Variants in KIF6 observed in about 807,000 individuals in gnomAD.
KIF6 encodes kinesin-like protein KIF6.
A neutral mutation model predicts 112.7 loss-of-function variants in KIF6; 106 were observed. The ratio of observed to expected loss-of-function variants is 0.94; its 90% CI spans 0.80 to 1.11. The LOEUF is 1.11. KIF6 is among the 50% of genes least tolerant of loss of function. The pLI is 0.00. For missense variants in KIF6, 929 were observed against 964.0 expected, an observed-to-expected ratio of 0.96 and a Z score of 0.48; for synonymous variants, 339 against 339.9, an observed-to-expected ratio of 1.00 and a Z score of 0.03.
intron 13 of KIF6, among the ~76,000 whole-genome samples, chr6:39,520,265 C>A (rs191928986): frequency 6.6e-6 from 1 of 152,106 alleles, no homozygotes; most frequent in Admixed American, 6.5e-5. Context: ...TTTTTTGGTA[C>A]AAGTGTGTCT....
chr6:39,478,684 A>G (rs1052326085), intron 13 of KIF6, among the ~76,000 whole-genome samples: 6 of 147,296 alleles, frequency 4.1e-5, no homozygotes, highest in Non-Finnish European at 8.9e-5. Flanking sequence ...TGTTCACTGC[A>G]TCCATGACAA....
intron 10 of KIF6, among the ~76,000 whole-genome samples, chr6:39,556,754 TG>T (rs1251837718): frequency 6.6e-6 from 1 of 152,168 alleles, no homozygotes; most frequent in Non-Finnish European, 1.5e-5. Context: ...TTGGGAAATT[TG>T]GGAGAATAAG....
intron 13 of KIF6, among the ~76,000 whole-genome samples, chr6:39,508,735 A>G (rs1161386038): frequency 1.3e-5 from 2 of 152,166 alleles, no homozygotes; most frequent in African/African-American, 4.8e-5. Context: ...GGGAAGCTCA[A>G]ACTGGGTGGA....
intron 21 of KIF6, among the ~76,000 whole-genome samples, chr6:39,344,897 T>C (rs1763589513): frequency 6.6e-6 from 1 of 152,224 alleles, no homozygotes; most frequent in African/African-American, 2.4e-5. Flanking sequence ...TGCTGCGATG[T>C]GTGGCCGGGT....
At chr6:39,360,884 T>C (rs1414870502) in intron 17 of KIF6, among the ~76,000 whole-genome samples, 1 of 152,202 alleles carries the variant, frequency 6.6e-6, no homozygotes, top group Non-Finnish European at 1.5e-5. Flanking sequence ...CTCACAACCC[T>C]ATGAAGGAGA....
At chr6:39,509,682 A>C (rs1218727888) in intron 13 of KIF6, among the ~76,000 whole-genome samples, 1 of 152,204 alleles carries the variant, frequency 6.6e-6, no homozygotes, top group Non-Finnish European at 1.5e-5. Context: ...GAATAGAGAA[A>C]AAAGAGTGAA....
intron 12 of KIF6, among the ~76,000 whole-genome samples, chr6:39,543,646 T>C (rs1778916728): frequency 6.6e-6 from 1 of 152,232 alleles, no homozygotes; most frequent in South Asian, 2.1e-4. Context: ...TATCTGTTTA[T>C]AAAGAACTGA....
chr6:39,620,317 G>T (rs774931518), intron 5 of KIF6: 13 of 152,054 alleles, frequency 8.5e-5, no homozygotes, highest in Admixed American at 3.9e-4. Flanking sequence ...ACTAATACTT[G>T]CTTTCTTATT....
chr6:39,673,241 G>A (rs1444627082), intron 3 of KIF6, among the ~76,000 whole-genome samples: 3 of 152,152 alleles, frequency 2.0e-5, no homozygotes, highest in South Asian at 2.1e-4. Context: ...AGGGATGCTG[G>A]GAAAGACAAG....
intron 3 of KIF6, among the ~76,000 whole-genome samples, chr6:39,643,886 C>A (rs983109353): frequency 6.6e-6 from 1 of 152,026 alleles, no homozygotes; most frequent in Non-Finnish European, 1.5e-5. Flanking sequence ...AAAGACAACA[C>A]AATGGAGATA....
At chr6:39,434,762 T>C (rs1351066747) in intron 13 of KIF6, among the ~76,000 whole-genome samples, 1 of 151,902 alleles carries the variant, frequency 6.6e-6, no homozygotes, top group Non-Finnish European at 1.5e-5. Flanking sequence ...GTGAACTTCA[T>C]CTAGAAGGAT....
In KIF6 at chr6:39,610,875, TAAATA is replaced by T. The variant is rs149387876; in HGVS notation, c.639+2309_639+2313del. On this transcript the variant is annotated intron_variant, in intron 6 of 22. Coordinates refer to ENST00000287152, the MANE Select transcript of KIF6 (RefSeq NM_145027.6). ...CCAAAACCTATTAGACTTGGTTTTT[TAAATA>T]AAACAGGCTTTACATAGGAAAAATA... Among the ~76,000 whole-genome samples the T allele has an allele frequency of 1.1e-4, 16 of 152,308 alleles. No homozygotes were observed. The East Asian group carries it at 2.9e-3, about 28-fold the overall frequency.
At chr6:39,344,540 G>A (rs1763561202) in intron 21 of KIF6, among the ~76,000 whole-genome samples, 1 of 152,112 alleles carries the variant, frequency 6.6e-6, no homozygotes, top group South Asian at 2.1e-4. Context: ...CAGCCTCAGG[G>A]CCTTTGCTCT....
chr6:39,366,641 G>A (rs563461537), intron 16 of KIF6, among the ~76,000 whole-genome samples: 28 of 152,266 alleles, frequency 1.8e-4, no homozygotes, highest in African/African-American at 5.1e-4. Flanking sequence ...TGCAGAAATC[G>A]GGGCACAGAA....
At chr6:39,454,435 T>C (rs1045875775) in intron 13 of KIF6, among the ~76,000 whole-genome samples, 1 of 147,854 alleles carries the variant, frequency 6.8e-6, no homozygotes, top group African/African-American at 2.5e-5. Flanking sequence ...AAATAATAAA[T>C]ATGTGACACC....
intron 15 of KIF6, among the ~76,000 whole-genome samples, chr6:39,404,222 T>G (rs1768919102): frequency 6.6e-6 from 1 of 152,242 alleles, no homozygotes; most frequent in Non-Finnish European, 1.5e-5. Flanking sequence ...ACTTTTGGTA[T>G]GATGTTTAAG....
intron 13 of KIF6, among the ~76,000 whole-genome samples, chr6:39,515,292 A>T (rs1777008908): frequency 6.6e-6 from 1 of 152,206 alleles, no homozygotes; most frequent in Admixed American, 6.5e-5. Flanking sequence ...AGAGAACTAG[A>T]TAACAAAGAT....
intron 13 of KIF6, among the ~76,000 whole-genome samples, chr6:39,521,322 A>G (rs1416579652): frequency 6.6e-6 from 1 of 152,184 alleles, no homozygotes; most frequent in Non-Finnish European, 1.5e-5. Context: ...TAGTGTCTGT[A>G]TGTTACCTCT....
At chr6:39,710,051 G>T (rs139384223) in intron 3 of KIF6, among the ~76,000 whole-genome samples, 100 of 152,226 alleles carry the variant, frequency 6.6e-4, no homozygotes, top group African/African-American at 2.2e-3. Flanking sequence ...AATGAAAAAA[G>T]TGATTCCCTC....
Sources: gnomAD v4.1 joint callset for allele counts (sites outside exome capture counted in the v4.1 genomes callset) on GRCh38, gnomAD v4.1.1 for gene constraint, MANE v1.5 for transcripts, NCBI Gene and HGNC (gene_info 2026-07-23, HGNC 2026-07-21) for gene names.